IPO11: variants seen among roughly 807,000 people sequenced by gnomAD.
The protein encoded by IPO11 is importin 11.
Under a neutral mutation model 143.2 loss-of-function variants are expected in IPO11, and 66 were observed. The ratio of observed to expected loss-of-function variants is 0.46; its 90% CI spans 0.38 to 0.57. The LOEUF is 0.57. Among genes scored for constraint, IPO11 ranks in the 20% least tolerant of loss-of-function variants. The probability of loss-of-function intolerance (pLI) is 0.00; values close to 1 mark genes in which losing one functional copy is unlikely to be tolerated. For synonymous variants in IPO11, 385 were observed against 377.8 expected (o/e 1.02, Z -0.22); for missense variants, 1,026 against 1,141.0 (o/e 0.90, Z 1.45).
chr5:62,417,049 A>G (rs1266587274), intron 1 of IPO11, among the ~76,000 whole-genome samples: 1 of 151,882 alleles, frequency 6.6e-6, no homozygotes, highest in Non-Finnish European at 1.5e-5. Context: ...ATCAAGTCTT[A>G]TCTGAAATAT....
chr5:62,597,445 A>G (rs1045016977), intron 28 of IPO11, among the ~76,000 whole-genome samples: 1 of 152,210 alleles, frequency 6.6e-6, no homozygotes, highest in Non-Finnish European at 1.5e-5. Flanking sequence ...CTGGTCAGAT[A>G]ATATTTATGA....
Position 62,551,341 on chromosome 5 carries a change from G to A in IPO11, c.2460+5G>A, listed in dbSNP as rs770685975. 2.2e-6 allele frequency: 3 copies of A among 1,336,718 alleles called. No individual in the cohort carries two copies. The highest frequency in any genetic ancestry group is 3.2e-6 in the Non-Finnish European group (3 of 931,828). 82.8% of individuals were successfully genotyped at this position (1,336,718 alleles called of 1,614,324 possible). A position where few individuals can be genotyped will look rare whatever the true frequency, so the allele number is the denominator to read the frequency against. ...GCCCATAAATTTAATCAGGAGGTAA[G>A]AATCAATATACTTAAATTTAAGGAA... On this transcript the variant is annotated splice_donor_5th_base_variant and intron_variant, in intron 26 of 29. Coordinates refer to ENST00000325324, the MANE Select transcript of IPO11 (RefSeq NM_016338.5).
At chr5:62,425,225 C>T (rs557544084) in intron 1 of IPO11, among the ~76,000 whole-genome samples, 145 of 152,310 alleles carry the variant, frequency 9.5e-4, no homozygotes, top group African/African-American at 3.3e-3. Flanking sequence ...TAAAGTTCCT[C>T]GCTTCCTCCA....
At chr5:62,443,681 C>T (rs1391980036) in intron 3 of IPO11, among the ~76,000 whole-genome samples, 3 of 151,638 alleles carry the variant, frequency 2.0e-5, no homozygotes, top group African/African-American at 7.3e-5. Context: ...AACTCTGAAC[C>T]AGCTAGGTGT....
chr5:62,482,161 G>T (rs186909336), intron 9 of IPO11, among the ~76,000 whole-genome samples: 36 of 152,134 alleles, frequency 2.4e-4, no homozygotes, highest in African/African-American at 8.7e-4. Flanking sequence ...TATTGTGTCT[G>T]TTTGATTCTT....
chr5:62,414,523 A>C (rs1327155049), intron 1 of IPO11, among the ~76,000 whole-genome samples: 1 of 152,220 alleles, frequency 6.6e-6, no homozygotes, highest in Non-Finnish European at 1.5e-5. Context: ...GGCAAAACAC[A>C]TTTAGTGCTG....
Position 62,476,652 on chromosome 5 carries a change from A to G in IPO11, c.758-31A>G, listed in dbSNP as rs372098642. The G allele has an allele frequency of 1.1e-5, 16 of 1,500,612 alleles. No individual in the cohort carries two copies. The African/African-American group carries it at 2.3e-4, about 21-fold the overall frequency. 93.0% of individuals were successfully genotyped at this position (1,500,612 alleles called of 1,614,324 possible). A position where few individuals can be genotyped will look rare whatever the true frequency, so the allele number is the denominator to read the frequency against. The stretch of plus-strand genomic sequence containing the variant: ...TGTTGTCTTGGTTGTGAACTTATTA[A>G]CTTCTAATATTTGAAATGTATTTTT... On this transcript the variant is annotated intron_variant, in intron 8 of 29. Transcript: ENST00000325324.
At chr5:62,452,183 T>C (rs1744956190) in intron 5 of IPO11, among the ~76,000 whole-genome samples, 1 of 144,464 alleles carries the variant, frequency 6.9e-6, no homozygotes, top group South Asian at 2.1e-4. Context: ...AGGTGGAGGT[T>C]GCAATGAGCC....
chr5:62,565,489 AAAAACAAAAC>A (rs1193617365), intron 27 of IPO11, among the ~76,000 whole-genome samples: 1 of 152,182 alleles, frequency 6.6e-6, no homozygotes, highest in Non-Finnish European at 1.5e-5. Flanking sequence ...CTGTCTCAAG[AAAAACAAAAC>A]AAAACAAAAC....
intron 28 of IPO11, among the ~76,000 whole-genome samples, chr5:62,595,378 G>C (rs1448448776): frequency 6.6e-6 from 1 of 152,096 alleles, no homozygotes; most frequent in Non-Finnish European, 1.5e-5. Flanking sequence ...TTACAGTTTG[G>C]GTGACATATG....
intron 10 of IPO11, 116 bp downstream of exon 10, chr5:62,483,409 G>T: frequency 1.5e-6 from 1 of 653,816 alleles, no homozygotes; most frequent in Admixed American, 3.4e-5. Flanking sequence ...AATTGTTGCT[G>T]GGACATGAAA....
intron 19 of IPO11, among the ~76,000 whole-genome samples, chr5:62,512,071 G>A (rs1264570653): frequency 2.0e-5 from 3 of 152,220 alleles, no homozygotes; most frequent in Non-Finnish European, 4.4e-5. Flanking sequence ...CTATGGTGGA[G>A]GTGGCTCTAC....
chr5:62,513,994 G>C (rs1290469046), intron 19 of IPO11, among the ~76,000 whole-genome samples: 2,572 of 150,526 alleles, frequency 0.017, 1 homozygote, highest in African/African-American at 0.059. Flanking sequence ...TCAGACGATG[G>C]GCTGCCGGGC....
chr5:62,451,317 C>T (rs1744918114), intron 4 of IPO11, among the ~76,000 whole-genome samples: 1 of 152,138 alleles, frequency 6.6e-6, no homozygotes, highest in South Asian at 2.1e-4. Context: ...AAATACTCAT[C>T]AACATAGCAG....
chr5:62,454,039 G>T (rs1745034393), intron 5 of IPO11, among the ~76,000 whole-genome samples: 1 of 152,194 alleles, frequency 6.6e-6, no homozygotes, highest in Non-Finnish European at 1.5e-5. Flanking sequence ...GGAGGCTGAG[G>T]CAGGAGAATG....
chr5:62,548,737 T>C (rs756134239), intron 24 of IPO11, among the ~76,000 whole-genome samples: 3 of 152,194 alleles, frequency 2.0e-5, no homozygotes, highest in Non-Finnish European at 4.4e-5. Flanking sequence ...GGAGAAGTTA[T>C]ATGAAGTAAA....
intron 1 of IPO11, among the ~76,000 whole-genome samples, chr5:62,424,710 G>A (rs1743656784): frequency 6.6e-6 from 1 of 151,828 alleles, no homozygotes; most frequent in Admixed American, 6.6e-5. Flanking sequence ...CCAAATTGGT[G>A]GGATTACAGA....
At chr5:62,459,279 A>G (rs1366838280) in intron 5 of IPO11, among the ~76,000 whole-genome samples, 1 of 152,172 alleles carries the variant, frequency 6.6e-6, no homozygotes, top group African/African-American at 2.4e-5. Flanking sequence ...TTGAAAACAA[A>G]ATGAAAATTA....
intron 29 of IPO11, among the ~76,000 whole-genome samples, chr5:62,608,286 ATTC>A (rs1467629076): frequency 1.3e-5 from 2 of 152,068 alleles, no homozygotes; most frequent in Non-Finnish European, 2.9e-5. Context: ...AGAGTACCAT[ATTC>A]TTTGCTGTTT....
Sources: allele counts gnomAD v4.1 joint callset (sites outside exome capture counted in the v4.1 genomes callset), GRCh38; gene constraint gnomAD v4.1.1; transcripts MANE v1.5; gene names NCBI Gene and HGNC (gene_info 2026-07-23, HGNC 2026-07-21).